Variants in MSL2 observed in about 807,000 individuals in gnomAD.
MSL2 encodes the protein E3 ubiquitin-protein ligase MSL2.
MSL2 carries 2 observed loss-of-function variants against 35.8 expected under a neutral mutation model. The ratio of observed to expected loss-of-function variants is 0.06; its 90% confidence interval spans 0.02 to 0.18. The LOEUF (loss-of-function observed/expected upper bound fraction) is 0.18. Among genes scored for constraint, MSL2 ranks in the 10% least tolerant of loss-of-function variants. The probability of loss-of-function intolerance (pLI) is 1.00; values close to 1 mark genes in which losing one functional copy is unlikely to be tolerated. For missense variants in MSL2, 523 were observed against 706.7 expected (o/e 0.74, Z 2.95); for synonymous variants, 296 against 255.7 (o/e 1.16, Z -1.50).
chr3:136,186,268 A>ATGGG (rs1940520200), intron 1 of MSL2, among the ~76,000 whole-genome samples: 1 of 152,130 alleles, frequency 6.6e-6, no homozygotes, highest in South Asian at 2.1e-4. Context: ...CTAGATATCC[A>ATGGG]TGGGTGATTG....
chr3:136,170,353 C>A (rs867370286), intron 1 of MSL2, among the ~76,000 whole-genome samples: 60 of 125,862 alleles, frequency 4.8e-4, no homozygotes, highest in African/African-American at 5.3e-4. Context: ...AAATCCCTCT[C>A]AAAAAAAAAA....
intron 1 of MSL2, among the ~76,000 whole-genome samples, chr3:136,180,475 G>C (rs1940309124): frequency 6.6e-6 from 1 of 151,812 alleles, no homozygotes; most frequent in Non-Finnish European, 1.5e-5. Flanking sequence ...GCTGAGGTGG[G>C]CAGATCACGA....
intron 1 of MSL2, among the ~76,000 whole-genome samples, chr3:136,154,035 A>AT (rs892475868): frequency 2.0e-5 from 3 of 151,460 alleles, no homozygotes; most frequent in African/African-American, 7.3e-5. Flanking sequence ...GCGAGCTGAG[A>AT]TTGTGTCACT....
At chr3:136,161,468 T>A (rs1334910222) in intron 1 of MSL2, among the ~76,000 whole-genome samples, 1 of 152,202 alleles carries the variant, frequency 6.6e-6, no homozygotes, top group Non-Finnish European at 1.5e-5. Flanking sequence ...ACAATCCAAA[T>A]GTCCATTAAT....
chr3:136,162,100 G>T (rs1467323130), intron 1 of MSL2, among the ~76,000 whole-genome samples: 2 of 151,544 alleles, frequency 1.3e-5, no homozygotes, highest in Non-Finnish European at 2.9e-5. Context: ...CACCACGCCT[G>T]GTTAATTTTT....
At chr3:136,178,223 G>A (rs1180236460) in intron 1 of MSL2, among the ~76,000 whole-genome samples, 1 of 152,190 alleles carries the variant, frequency 6.6e-6, no homozygotes, top group East Asian at 1.9e-4. Flanking sequence ...TGTGGTTACA[G>A]AGCACTTTTA....
intron 1 of MSL2, among the ~76,000 whole-genome samples, chr3:136,163,053 T>A (rs1204408634): frequency 2.0e-5 from 3 of 149,312 alleles, no homozygotes; most frequent in Admixed American, 1.4e-4. Context: ...AGACCTGGAG[T>A]TCAAGACTAG....
intron 1 of MSL2, among the ~76,000 whole-genome samples, chr3:136,177,432 T>TG (rs1940207914): frequency 1.3e-5 from 2 of 152,108 alleles, no homozygotes; most frequent in African/African-American, 4.8e-5. Context: ...CCCAGCACCC[T>TG]GGGAGGCTGA....
Position 136,151,840 on chromosome 3 carries a change from A to G in MSL2, c.1041T>C (p.Ser347=), listed in dbSNP as rs2108057451. 6.2e-7 allele frequency: 1 copy of G among 1,613,954 alleles called. No homozygotes were observed. The highest frequency in any genetic ancestry group is 8.5e-7 in the Non-Finnish European group (1 of 1,179,998). The change falls in exon 2 of 2, where the codon AGT becomes AGC. Residue 347 remains serine, a synonymous_variant. Transcript: ENST00000309993. This position sits in a 1 kb window ranked among gnomAD's most constrained non-coding sequence, Gnocchi z 5.2. ...KLNRKRSRSE[S]DSEKVQPLPI... Reference sequence around the variant, plus strand: ...GAAGTGGCTGAACTTTCTCACTGTCACTCTCTGATCTGGATCGTTTTCTAT... The same window carrying G: ...GAAGTGGCTGAACTTTCTCACTGTCGCTCTCTGATCTGGATCGTTTTCTAT...
At chr3:136,181,818 C>A (rs181870310) in intron 1 of MSL2, among the ~76,000 whole-genome samples, 44 of 152,038 alleles carry the variant, frequency 2.9e-4, no homozygotes, top group African/African-American at 1.1e-3. Context: ...ACTCGGGAGG[C>A]TGAGGCAGAA....
chr3:136,191,859 T>G (rs1233341046), intron 1 of MSL2, among the ~76,000 whole-genome samples: 1 of 152,184 alleles, frequency 6.6e-6, no homozygotes, highest in Non-Finnish European at 1.5e-5. Context: ...TAAAGGCAAT[T>G]GGCAAAAAGT....
chr3:136,177,240 C>A (rs1382512354), intron 1 of MSL2, among the ~76,000 whole-genome samples: 2 of 152,184 alleles, frequency 1.3e-5, no homozygotes, highest in African/African-American at 4.8e-5. Context: ...ATTTAAATAT[C>A]CCTGATCAGC....
intron 1 of MSL2, among the ~76,000 whole-genome samples, chr3:136,179,759 A>G (rs1940282966): frequency 2.0e-5 from 3 of 152,224 alleles, no homozygotes; most frequent in South Asian, 4.1e-4. Flanking sequence ...ATTTGTTGAC[A>G]TATCTACTTT....
intron 1 of MSL2, among the ~76,000 whole-genome samples, chr3:136,173,425 T>C (rs1343080230): frequency 6.6e-6 from 1 of 152,156 alleles, no homozygotes; most frequent in Non-Finnish European, 1.5e-5. Flanking sequence ...CCTAAAAGCC[T>C]GGTCTTCCTC....
At chr3:136,183,663 A>G (rs551459166) in intron 1 of MSL2, among the ~76,000 whole-genome samples, 1 of 152,312 alleles carries the variant, frequency 6.6e-6, no homozygotes, top group Non-Finnish European at 1.5e-5. Flanking sequence ...TTAAAATGGT[A>G]GTTATTTTAA....
intron 1 of MSL2, among the ~76,000 whole-genome samples, chr3:136,189,466 T>C (rs1366468605): frequency 1.4e-5 from 2 of 147,780 alleles, no homozygotes; most frequent in Admixed American, 7.0e-5. Flanking sequence ...GGCTCACACC[T>C]GTAATCTCAG....
At chr3:136,191,037 A>G (rs1037551844) in intron 1 of MSL2, among the ~76,000 whole-genome samples, 1 of 152,250 alleles carries the variant, frequency 6.6e-6, no homozygotes, top group Admixed American at 6.5e-5. Flanking sequence ...TGAATAATCT[A>G]GGTTTGACAA....
chr3:136,178,078 T>C (rs1293774498), intron 1 of MSL2, among the ~76,000 whole-genome samples: 4 of 152,218 alleles, frequency 2.6e-5, no homozygotes, highest in African/African-American at 9.6e-5. Flanking sequence ...ATGATGTATA[T>C]GTATAACCAC....
At chr3:136,185,988 A>G (rs1940511478) in intron 1 of MSL2, among the ~76,000 whole-genome samples, 1 of 152,272 alleles carries the variant, frequency 6.6e-6, no homozygotes. Flanking sequence ...GAGGTTGTCA[A>G]AACAACAGCA....
Sources: allele counts gnomAD v4.1 joint callset (sites outside exome capture counted in the v4.1 genomes callset), GRCh38; gene constraint gnomAD v4.1.1; non-coding constraint Gnocchi (gnomAD v3.1); transcripts MANE v1.5; gene names NCBI Gene and HGNC (gene_info 2026-07-23, HGNC 2026-07-21).